Variants in SMARCAL1 observed in about 807,000 individuals in gnomAD.
SMARCAL1 encodes the protein SNF2 related chromatin remodeling annealing helicase 1.
A neutral mutation model predicts 94.5 loss-of-function variants in SMARCAL1; 58 were observed. The ratio of observed to expected loss-of-function variants is 0.61; its 90% confidence interval spans 0.50 to 0.76. The LOEUF is 0.76. Among genes scored for constraint, SMARCAL1 ranks in the 30% least tolerant of loss-of-function variants. SMARCAL1 has a pLI of 0.00. For synonymous variants in SMARCAL1, 422 were observed against 455.1 expected (o/e 0.93, Z 0.93); for missense variants, 1,051 against 1,177.9 (o/e 0.89, Z 1.58).
chr2:216,461,055 G>GGTGTGTGTGTGT (rs71054476), intron 12 of SMARCAL1, among the ~76,000 whole-genome samples: 39 of 146,344 alleles, frequency 2.7e-4, no homozygotes, highest in African/African-American at 9.3e-4. Flanking sequence ...ACTAGAAAGA[G>GGTGTGTGTGTGT]GTGTGTGTGT....
chr2:216,428,760 C>A lies in SMARCAL1; in HGVS notation c.1312C>A (p.Pro438Thr), dbSNP rs1457333215. 2 of 1,614,104 alleles carry A rather than the reference C, an allele frequency of 1.2e-6. No homozygotes were observed. The highest frequency in any genetic ancestry group is 3.3e-4 in the Middle Eastern group (2 of 6,062). The change falls in exon 7 of 18, where the codon CCC becomes ACC. Residue 438 changes from proline (P) to threonine (T), a missense_variant. Pro to Thr is a conservative substitution (Grantham distance 38). Around this residue, in one of 3 missense-constraint regions of SMARCAL1, gnomAD observed 642 missense variants for 754.7 expected, o/e 0.85. Transcript: ENST00000357276. ...CCCCAAGCTCGTGTCTAATCTGATG[C>A]CCTTTCAGAGAGCTGGAGTCAAGTA... Reference protein sequence around the residue: ...VDPKLVSNLMPFQRAGVNFAI... With the variant: ...VDPKLVSNLMTFQRAGVNFAI...
chr2:216,427,211 T>C (rs1308450144), intron 6 of SMARCAL1: 1 of 152,248 alleles, frequency 6.6e-6, no homozygotes, highest in Non-Finnish European at 1.5e-5. Context: ...AACACGTCTG[T>C]CATCTCCTAG....
chr2:216,427,815 A>G (rs1693869415), intron 6 of SMARCAL1, among the ~76,000 whole-genome samples: 2 of 152,234 alleles, frequency 1.3e-5, no homozygotes, highest in Admixed American at 6.5e-5. Context: ...TTGTGGCAAA[A>G]GACTTTTGGA....
intron 8 of SMARCAL1, 118 bp from the exon 9 acceptor site, chr2:216,435,220 G>A (rs1694055380): frequency 2.8e-6 from 3 of 1,069,648 alleles, no homozygotes; most frequent in South Asian, 1.4e-5. Flanking sequence ...AGGGGCACAG[G>A]TAGGTGAGAG....
chr2:216,422,084 G>T (rs1276660192), intron 5 of SMARCAL1, among the ~76,000 whole-genome samples: 3 of 152,060 alleles, frequency 2.0e-5, no homozygotes, highest in Admixed American at 2.0e-4. Context: ...GCTTGGGGTG[G>T]CCCTTAAAAG....
At chr2:216,444,955 A>G (rs906437852) in intron 10 of SMARCAL1, among the ~76,000 whole-genome samples, 5 of 152,204 alleles carry the variant, frequency 3.3e-5, no homozygotes, top group African/African-American at 1.2e-4. Flanking sequence ...AACTAAGCCT[A>G]TCTTTGAGGG....
In SMARCAL1 at chr2:216,482,977, A is replaced by G. The variant is rs1240369244; in HGVS notation, c.2865A>G (p.Ter955=). 5 of 1,612,342 alleles carry G rather than the reference A, an allele frequency of 3.1e-6. No homozygotes were observed. In the East Asian group the frequency reaches 1.1e-4, roughly 36 times the overall value. ...DNWDSFTSPL[*] ...GGGACAGCTTTACGTCTCCCCTGTA[A>G]AAGGGGCAAAAAGAAAAAAATAAAA... The change falls in exon 18 of 18, where the codon TAA becomes TAG. Residue 955 remains the stop codon, a stop_retained_variant. Coordinates refer to ENST00000357276, the MANE Select transcript of SMARCAL1 (RefSeq NM_014140.4). This position sits in a 1 kb window ranked among gnomAD's most constrained non-coding sequence, Gnocchi z 4.3.
At chr2:216,479,915 G>A (rs1171648577) in intron 17 of SMARCAL1, among the ~76,000 whole-genome samples, 1 of 152,168 alleles carries the variant, frequency 6.6e-6, no homozygotes, top group Non-Finnish European at 1.5e-5. Context: ...AGCCAGGCAT[G>A]ATGGCACATG....
At chr2:216,453,733 C>A (rs1237030833) in intron 12 of SMARCAL1, among the ~76,000 whole-genome samples, 3 of 152,188 alleles carry the variant, frequency 2.0e-5, no homozygotes, top group Non-Finnish European at 4.4e-5. Flanking sequence ...TTTTAAGTTA[C>A]TTTTTAGTCC....
rs116496845 is a variant in SMARCAL1, at chr2:216,467,128, C to T, written c.2142-816C>T. On this transcript the variant is annotated intron_variant, in intron 13 of 17. Coordinates refer to ENST00000357276, the MANE Select transcript of SMARCAL1 (RefSeq NM_014140.4). Reference sequence around the variant, plus strand: ...GGTCTGTTAACCTGGTGACTTCCCACCCCACTGCTCCCTGAGGGTAGCCAC... The same window carrying T: ...GGTCTGTTAACCTGGTGACTTCCCATCCCACTGCTCCCTGAGGGTAGCCAC... 1.2e-3 allele frequency among the ~76,000 whole-genome samples: 184 copies of T among 152,292 alleles called. 1 individual carries two copies. The highest frequency in any genetic ancestry group is 4.3e-3 in the African/African-American group (177 of 41,576).
intron 8 of SMARCAL1, among the ~76,000 whole-genome samples, chr2:216,433,746 C>G (rs1694014802): frequency 6.6e-6 from 1 of 152,110 alleles, no homozygotes; most frequent in African/African-American, 2.4e-5. Context: ...CATGAACAAA[C>G]TCAGTGAAGA....
At chr2:216,429,090 CA>C (rs1693904525) in intron 7 of SMARCAL1, among the ~76,000 whole-genome samples, 1 of 152,242 alleles carries the variant, frequency 6.6e-6, no homozygotes, top group Admixed American at 6.5e-5. Flanking sequence ...AAGATCTCAT[CA>C]GGCTGCTCTC....
chr2:216,430,325 A>G (rs1437688754), intron 7 of SMARCAL1, among the ~76,000 whole-genome samples: 1 of 152,212 alleles, frequency 6.6e-6, no homozygotes, highest in African/African-American at 2.4e-5. Context: ...CTACAATTGA[A>G]CACACCCATT....
intron 14 of SMARCAL1, among the ~76,000 whole-genome samples, chr2:216,474,740 G>A (rs1414170327): frequency 1.3e-5 from 2 of 152,122 alleles, no homozygotes; most frequent in Non-Finnish European, 1.5e-5. Flanking sequence ...TGAGTGACAA[G>A]AGTGAAACTT....
chr2:216,423,964 T>C (rs1027483924), intron 6 of SMARCAL1, among the ~76,000 whole-genome samples: 1 of 152,196 alleles, frequency 6.6e-6, no homozygotes, highest in Non-Finnish European at 1.5e-5. Flanking sequence ...ATAGAAGTGC[T>C]AGAAGCATGG....
chr2:216,449,383 TTTTTTCTTTTTC>T (rs144769080), intron 11 of SMARCAL1, among the ~76,000 whole-genome samples: 4 of 150,646 alleles, frequency 2.7e-5, no homozygotes, highest in African/African-American at 9.6e-5. Context: ...GCTGCCTTTT[TTTTTTCTTTTTC>T]TTTTTCTTTT....
At chr2:216,434,133 A>C (rs1309538191) in intron 8 of SMARCAL1, among the ~76,000 whole-genome samples, 1 of 152,036 alleles carries the variant, frequency 6.6e-6, no homozygotes, top group Non-Finnish European at 1.5e-5. Flanking sequence ...GCCTGTAGAA[A>C]GTAATCTTCA....
At chr2:216,427,638 G>C (rs542870494) in intron 6 of SMARCAL1, among the ~76,000 whole-genome samples, 48 of 152,270 alleles carry the variant, frequency 3.2e-4, no homozygotes, top group Non-Finnish European at 4.7e-4. Flanking sequence ...TTCTTCTCAT[G>C]GTGATTATTT....
rs183115364 is a variant in SMARCAL1, at chr2:216,455,239, A to G, written c.2070+4175A>G. 2.8e-4 allele frequency among the ~76,000 whole-genome samples: 42 copies of G among 152,342 alleles called. 2 individuals carry two copies. In the East Asian group the frequency reaches 7.1e-3, roughly 26 times the overall value. On this transcript the variant is annotated intron_variant, in intron 12 of 17. Transcript: ENST00000357276. ...GGGTGGAGCCCACCGCAGCTCAAGG[A>G]GGCCTGCCTGCCTCTGTAGACTCCA...
Sources: gnomAD v4.1 joint callset for allele counts (sites outside exome capture counted in the v4.1 genomes callset) on GRCh38, gnomAD v4.1.1 for gene constraint, gnomAD v4.1.1 regional missense constraint, Gnocchi (gnomAD v3.1) non-coding constraint, MANE v1.5 for transcripts, NCBI Gene and HGNC (gene_info 2026-07-23, HGNC 2026-07-21) for gene names.